Variants in PTPA observed in about 807,000 individuals in gnomAD.
PTPA encodes protein phosphatase 2 phosphatase activator, also known as serine/threonine-protein phosphatase 2A activator.
Under a neutral mutation model 43.6 loss-of-function variants are expected in PTPA, and 13 were observed. That is an observed-to-expected ratio of 0.30 (90% CI 0.19 to 0.47). The LOEUF is 0.47. Ranked by LOEUF, PTPA falls within the 20% of genes least tolerant of loss-of-function variation. The probability of loss-of-function intolerance (pLI) is 0.99; values close to 1 mark genes in which losing one functional copy is unlikely to be tolerated. For missense variants in PTPA, 329 were observed against 411.9 expected (o/e 0.80, Z 1.74); for synonymous variants, 172 against 158.2 (o/e 1.09, Z -0.66).
chr9:129,128,106 T>G, intron 3 of PTPA: 5 of 1,271,258 alleles, frequency 3.9e-6, no homozygotes, highest in Non-Finnish European at 5.2e-6. Context: ...ACGAAGAAAC[T>G]GAGAGGCTCA....
chr9:129,142,910 T>A, intron 9 of PTPA: 1 of 1,475,116 alleles, frequency 6.8e-7, no homozygotes, highest in Non-Finnish European at 9.0e-7. Context: ...AGTCTGGCTC[T>A]CCCATGGCAT....
intron 1 of PTPA, among the ~76,000 whole-genome samples, chr9:129,112,440 G>T (rs1158406517): frequency 6.6e-6 from 1 of 152,156 alleles, no homozygotes; most frequent in Non-Finnish European, 1.5e-5. Context: ...CACAGCTAAT[G>T]TTTTGAAAGC....
chr9:129,116,607 G>A (rs895266231), intron 1 of PTPA, among the ~76,000 whole-genome samples: 6 of 152,060 alleles, frequency 3.9e-5, no homozygotes, highest in African/African-American at 1.4e-4. Flanking sequence ...GGATGGTCTC[G>A]ATCTCCTGAC....
chr9:129,121,468 C>T (rs149906329), intron 2 of PTPA, among the ~76,000 whole-genome samples: 33 of 152,308 alleles, frequency 2.2e-4, no homozygotes, highest in Non-Finnish European at 3.8e-4. Flanking sequence ...ATCAACAGTC[C>T]CTTCAGCCTA....
chr9:129,132,596 G>A (rs991325707), intron 5 of PTPA, among the ~76,000 whole-genome samples: 4 of 152,146 alleles, frequency 2.6e-5, no homozygotes, highest in Non-Finnish European at 5.9e-5. Flanking sequence ...CACCTCCTGG[G>A]TTCAAGCGAT....
intron 5 of PTPA, among the ~76,000 whole-genome samples, chr9:129,133,866 C>T (rs1017453711): frequency 5.3e-5 from 8 of 152,238 alleles, no homozygotes; most frequent in African/African-American, 1.7e-4. Context: ...CTTTTTCTTG[C>T]CTCAAGGCCT....
At position 129,111,598 on chromosome 9, in the gene PTPA, A is replaced by C; in HGVS notation, c.-3A>C. 1 of 1,285,060 alleles carries C rather than the reference A, an allele frequency of 7.8e-7. No individual in the cohort carries two copies. The highest frequency in any genetic ancestry group is 9.9e-7 in the Non-Finnish European group (1 of 1,007,974). The allele number at this position is 1,285,060 out of a possible 1,614,324, so 79.6% of individuals were successfully genotyped here. A position where few individuals can be genotyped will look rare whatever the true frequency, so the allele number is the denominator to read the frequency against. ...ATCCGGGTCGGCTCCTGGCCGGAGC[A>C]AGATGGCTGAGGGCGAGCGGCAGCC... On this transcript the variant is annotated 5_prime_UTR_variant, in exon 1 of 10. Transcript: ENST00000393370.
chr9:129,111,284 G>A, upstream of PTPA: 2 of 1,219,418 alleles, frequency 1.6e-6, no homozygotes, highest in Non-Finnish European at 2.1e-6. Flanking sequence ...GGGCGGCCGT[G>A]AGCGGTCCTA....
chr9:129,127,926 C>G, intron 3 of PTPA: 1 of 1,233,216 alleles, frequency 8.1e-7, no homozygotes. Context: ...ATGTTATTCA[C>G]TTAGTAAAAG....
chr9:129,126,407 C>T (rs918362357), intron 3 of PTPA, among the ~76,000 whole-genome samples: 4 of 151,780 alleles, frequency 2.6e-5, no homozygotes, highest in African/African-American at 4.8e-5. Context: ...CTCGAACTCC[C>T]GAACTCAGGT....
chr9:129,136,674 T>G (rs1349644907), intron 7 of PTPA, 79 bp downstream of exon 7: 1 of 1,431,308 alleles, frequency 7.0e-7, no homozygotes, highest in Non-Finnish European at 9.3e-7. Flanking sequence ...CCTCCTGCGC[T>G]CCCTCCTTCC....
At position 129,137,687 on chromosome 9, in the gene PTPA, A is replaced by T; in HGVS notation, c.781A>T (p.Thr261Ser). ...YMFLECILFI[T>S]EMKTGPFAEH... is the part of the protein sequence containing the mutation. Reference sequence around the variant, plus strand: ...GTTCCTGGAGTGTATCCTGTTTATTACCGAGGTGAGGAGGAGGGGTGAGAG... The same window carrying T: ...GTTCCTGGAGTGTATCCTGTTTATTTCCGAGGTGAGGAGGAGGGGTGAGAG... The change falls in exon 8 of 10, where the codon ACC becomes TCC. Residue 261 changes from threonine to serine, a missense_variant. Physicochemically the swap from Thr to Ser is moderately conservative, Grantham distance 58 (BLOSUM62 1). Transcript: ENST00000393370. The T allele has an allele frequency of 6.2e-7, 1 of 1,601,228 alleles. No homozygotes were observed. Among genetic ancestry groups the T allele is most frequent in the Middle Eastern group, 1.7e-4 (1 of 6,044 alleles).
chr9:129,121,197 G>A (rs1191014831), intron 2 of PTPA, among the ~76,000 whole-genome samples: 1 of 152,180 alleles, frequency 6.6e-6, no homozygotes, highest in Non-Finnish European at 1.5e-5. Flanking sequence ...AATTTCTCAG[G>A]GAAGGCCTCT....
chr9:129,121,046 A>T (rs544948305), intron 2 of PTPA, among the ~76,000 whole-genome samples: 114 of 152,334 alleles, frequency 7.5e-4, no homozygotes, highest in African/African-American at 2.6e-3. Context: ...AATACCTGGG[A>T]GCTGGGACCC....
At chr9:129,112,601 A>G (rs1369424633) in intron 1 of PTPA, among the ~76,000 whole-genome samples, 1 of 152,102 alleles carries the variant, frequency 6.6e-6, no homozygotes, top group African/African-American at 2.4e-5. Context: ...GACATTCAAA[A>G]CCAGACATTT....
intron 9 of PTPA, among the ~76,000 whole-genome samples, chr9:129,145,108 A>G (rs1851207714): frequency 6.6e-6 from 1 of 152,188 alleles, no homozygotes; most frequent in Non-Finnish European, 1.5e-5. Context: ...AGGCAGGTAG[A>G]TCACCTGAGG....
intron 9 of PTPA, chr9:129,143,425 A>G: frequency 1.4e-6 from 1 of 702,974 alleles, no homozygotes; most frequent in Non-Finnish European, 2.6e-6. Context: ...TGTGGGCACC[A>G]TCTCTTGACT....
chr9:129,143,635 C>CT, intron 9 of PTPA: 1 of 564,300 alleles, frequency 1.8e-6, no homozygotes, highest in Non-Finnish European at 3.2e-6. Flanking sequence ...CTGAACAGAC[C>CT]GGGCCCTCAC....
chr9:129,120,691 G>T, intron 2 of PTPA, 81 bp downstream of exon 2: 6 of 1,230,058 alleles, frequency 4.9e-6, no homozygotes, highest in Non-Finnish European at 7.0e-6. Flanking sequence ...TGAGTTCCTG[G>T]CCCTTCTTGC....
Sources: allele counts gnomAD v4.1 joint callset (sites outside exome capture counted in the v4.1 genomes callset), GRCh38; gene constraint gnomAD v4.1.1; transcripts MANE v1.5; gene names NCBI Gene and HGNC (gene_info 2026-07-23, HGNC 2026-07-21).